HSD17B12: variants seen among roughly 807,000 people sequenced by gnomAD.
HSD17B12 encodes the protein very-long-chain 3-oxoacyl-CoA reductase.
HSD17B12 carries 32 observed loss-of-function variants against 39.3 expected under a neutral mutation model. The ratio of observed to expected loss-of-function variants is 0.81; its 90% CI spans 0.61 to 1.09. The LOEUF is 1.09. Ranked by LOEUF, HSD17B12 falls within the 50% of genes least tolerant of loss-of-function variation. The pLI, the probability that HSD17B12 is intolerant of heterozygous loss-of-function variation, is 0.00. For synonymous variants in HSD17B12, 150 were observed against 146.7 expected (o/e 1.02, Z -0.16); for missense variants, 342 against 382.9 (o/e 0.89, Z 0.89).
At chr11:43,743,721 C>G (rs1307418123) in intron 1 of HSD17B12, among the ~76,000 whole-genome samples, 1 of 152,176 alleles carries the variant, frequency 6.6e-6, no homozygotes, top group Non-Finnish European at 1.5e-5. Context: ...TGTGGATTCC[C>G]CAATGACAAA....
In HSD17B12 at chr11:43,733,983, C is replaced by G. The variant is rs1477486121; in HGVS notation, c.161-16928C>G. On this transcript the variant is annotated intron_variant, in intron 1 of 10. Coordinates refer to ENST00000278353, the MANE Select transcript of HSD17B12 (RefSeq NM_016142.3). The stretch of plus-strand genomic sequence containing the variant: ...TTGCTGTTCTCGACCACGTAATGCT[C>G]CAGTCATCACTGGTAGCAAAGATTT... 5 of 717,898 alleles carry G rather than the reference C, an allele frequency of 7.0e-6. No homozygotes were observed. The Admixed American group carries it at 9.7e-5, about 14-fold the overall frequency. The allele number at this position is 717,898 out of a possible 1,614,324, so 44.5% of individuals were successfully genotyped here. A position where few individuals can be genotyped will look rare whatever the true frequency, so the allele number is the denominator to read the frequency against.
the HSD17B12 span, among the ~76,000 whole-genome samples, chr11:43,567,394 T>TA: frequency 6.6e-6 from 1 of 152,176 alleles, no homozygotes; most frequent in African/African-American, 2.4e-5. Flanking sequence ...AAGATGTCTC[T>TA]AAAGTTCAAA....
chr11:43,752,196 A>G (rs1008463646), intron 2 of HSD17B12, among the ~76,000 whole-genome samples: 1 of 152,096 alleles, frequency 6.6e-6, no homozygotes, highest in Non-Finnish European at 1.5e-5. Flanking sequence ...GCATTTTTTC[A>G]TCAGGAAGGC....
chr11:43,619,537 C>T, the HSD17B12 span, among the ~76,000 whole-genome samples: 1 of 151,398 alleles, frequency 6.6e-6, no homozygotes, highest in South Asian at 2.1e-4. Context: ...TTACAGGCAC[C>T]TGACACCAAG....
chr11:43,605,328 G>A, the HSD17B12 span, among the ~76,000 whole-genome samples: 4 of 152,008 alleles, frequency 2.6e-5, no homozygotes, highest in Non-Finnish European at 5.9e-5. Flanking sequence ...TTGGGAGGCC[G>A]AGGTGGGTGG....
chr11:43,666,280 T>C, the HSD17B12 span, among the ~76,000 whole-genome samples: 4 of 152,170 alleles, frequency 2.6e-5, no homozygotes. Flanking sequence ...CATGGCTTAC[T>C]GCAGCCTCAA....
Position 43,776,406 on chromosome 11 carries a change from T to C in HSD17B12, c.284-21914T>C, listed in dbSNP as rs537730726. On this transcript the variant is annotated intron_variant, in intron 3 of 10. Transcript: ENST00000278353. ...GTTTTGGCTGCATAAATGTCTTCTTTTGAGAAGTGTCTGTTCATGTCCTTC... is the reference window on the plus strand; with the variant it reads ...GTTTTGGCTGCATAAATGTCTTCTTCTGAGAAGTGTCTGTTCATGTCCTTC... 2.8e-4 allele frequency among the ~76,000 whole-genome samples: 42 copies of C among 152,258 alleles called. No individual in the cohort carries two copies. The South Asian group carries it at 8.7e-3, about 32-fold the overall frequency.
At chr11:43,576,210 T>C in the HSD17B12 span, among the ~76,000 whole-genome samples, 2 of 152,122 alleles carry the variant, frequency 1.3e-5, no homozygotes, top group African/African-American at 2.4e-5. Context: ...AGGGAGAATA[T>C]AAGAAATATT....
At chr11:43,627,501 T>C in the HSD17B12 span, among the ~76,000 whole-genome samples, 1 of 152,096 alleles carries the variant, frequency 6.6e-6, no homozygotes, top group South Asian at 2.1e-4. Context: ...AAAAACTTCA[T>C]AGTATTAAAA....
At chr11:43,651,977 A>G in the HSD17B12 span, among the ~76,000 whole-genome samples, 2 of 152,236 alleles carry the variant, frequency 1.3e-5, no homozygotes, top group African/African-American at 4.8e-5. Flanking sequence ...AACATTGCTG[A>G]GAAATTTAAA....
chr11:43,607,355 A>G, the HSD17B12 span, among the ~76,000 whole-genome samples: 2 of 151,982 alleles, frequency 1.3e-5, no homozygotes, highest in Non-Finnish European at 2.9e-5. Flanking sequence ...CCCGAGAACC[A>G]CAAAGTAAAC....
At chr11:43,826,553 T>C (rs1951243063) in intron 6 of HSD17B12, among the ~76,000 whole-genome samples, 1 of 152,158 alleles carries the variant, frequency 6.6e-6, no homozygotes, top group Admixed American at 6.5e-5. Flanking sequence ...TTGAATGATA[T>C]AGGATTGAAT....
In HSD17B12 at chr11:43,695,370, G is replaced by A. The variant is rs577249407; in HGVS notation, c.160+14383G>A. On this transcript the variant is annotated intron_variant, in intron 1 of 10. Transcript: ENST00000278353. ...GAGGCAGGTGGATCACTTGAGGTCAGGAGTTTGAGACCAGCCTGACCAACA... is the reference window on the plus strand; with the variant it reads ...GAGGCAGGTGGATCACTTGAGGTCAAGAGTTTGAGACCAGCCTGACCAACA... Among the ~76,000 whole-genome samples the A allele has an allele frequency of 3.7e-3, 564 of 152,268 alleles. 3 individuals are homozygous for A. The highest frequency in any genetic ancestry group is 5.9e-3 in the Non-Finnish European group (398 of 68,020).
At chr11:43,563,652 T>TA in the HSD17B12 span, among the ~76,000 whole-genome samples, 1 of 152,122 alleles carries the variant, frequency 6.6e-6, no homozygotes, top group African/African-American at 2.4e-5. Flanking sequence ...TCATCTCTAC[T>TA]AAATTTTTTT....
intron 4 of HSD17B12, among the ~76,000 whole-genome samples, chr11:43,810,386 TATATATATATATATATAA>T (rs1189121897): frequency 3.9e-5 from 5 of 127,478 alleles, no homozygotes; most frequent in African/African-American, 1.3e-4. Flanking sequence ...TATATATATA[TATATATATATATATATAA>T]AATTCAGAAT....
At chr11:43,629,330 A>G in the HSD17B12 span, among the ~76,000 whole-genome samples, 3 of 152,222 alleles carry the variant, frequency 2.0e-5, no homozygotes, top group African/African-American at 7.2e-5. Flanking sequence ...AGGACCTGCT[A>G]TTCAAATTGT....
chr11:43,728,099 T>C (rs1381408283), intron 1 of HSD17B12, among the ~76,000 whole-genome samples: 1 of 152,120 alleles, frequency 6.6e-6, no homozygotes, highest in Admixed American at 6.6e-5. Context: ...CGAATCTTGC[T>C]CTGTCACTCA....
At chr11:43,572,170 C>G in the HSD17B12 span, among the ~76,000 whole-genome samples, 1 of 152,132 alleles carries the variant, frequency 6.6e-6, no homozygotes, top group Non-Finnish European at 1.5e-5. Flanking sequence ...GATGCAGCAG[C>G]CTGAATGAAT....
the HSD17B12 span, among the ~76,000 whole-genome samples, chr11:43,642,104 A>C: frequency 6.6e-6 from 1 of 151,768 alleles, no homozygotes; most frequent in Non-Finnish European, 1.5e-5. Context: ...TATTTTTTAA[A>C]TCTTAGTATA....
Sources: gnomAD v4.1 joint callset for allele counts (sites outside exome capture counted in the v4.1 genomes callset) on GRCh38, gnomAD v4.1.1 for gene constraint, MANE v1.5 for transcripts, NCBI Gene and HGNC (gene_info 2026-07-23, HGNC 2026-07-21) for gene names.